Variants in STK24 observed in about 807,000 individuals in gnomAD.
STK24 encodes the protein serine/threonine-protein kinase 24.
In STK24, 21 loss-of-function variants were observed where a neutral mutation model predicts 55.6. That is an observed-to-expected ratio of 0.38 (90% confidence interval 0.27 to 0.54). The LOEUF (loss-of-function observed/expected upper bound fraction) is 0.54, where lower values mean the gene tolerates loss of function less well. Among genes scored for constraint, STK24 ranks in the 20% least tolerant of loss-of-function variants. STK24 has a pLI of 0.79. For missense variants in STK24, 383 were observed against 538.4 expected (o/e 0.71, Z 2.86); for synonymous variants, 200 against 215.2 (o/e 0.93, Z 0.62).
rs60019968 is a variant in STK24, at chr13:98,447,844, CAAAAAA to C, written c.*5323_*5328del. The C allele has an allele frequency of 6.0e-5, 11 of 184,486 alleles. No individual in the cohort carries two copies. Among genetic ancestry groups the C allele is most frequent in the Middle Eastern group, 2.3e-3 (1 of 430 alleles). The allele number at this position is 184,486 out of a possible 1,614,324, so 11.4% of individuals were successfully genotyped here. The stretch of plus-strand genomic sequence containing the variant: ...TGAGTGACAGAGCCAGACCCTGTCT[CAAAAAA>C]AAAAGAAAAAGAAAAAAGGAAGGGA... On this transcript the variant is annotated 3_prime_UTR_variant, in exon 11 of 11. Transcript: ENST00000539966.
At chr13:98,480,940 T>C (rs1167911497) in intron 3 of STK24, among the ~76,000 whole-genome samples, 1 of 152,212 alleles carries the variant, frequency 6.6e-6, no homozygotes, top group Non-Finnish European at 1.5e-5. Flanking sequence ...GTAATACCCG[T>C]GTAGACTATG....
chr13:98,569,893 T>A (rs942492358), intron 1 of STK24, among the ~76,000 whole-genome samples: 2 of 150,212 alleles, frequency 1.3e-5, no homozygotes, highest in East Asian at 3.9e-4. Context: ...TTTTTTTTTT[T>A]TGAGATGGAG....
At chr13:98,530,083 G>A (rs977452697) in intron 1 of STK24, among the ~76,000 whole-genome samples, 1 of 133,438 alleles carries the variant, frequency 7.5e-6, no homozygotes, top group East Asian at 2.1e-4. Context: ...CCCTGTATGT[G>A]GGTGCAAACA....
intron 2 of STK24, among the ~76,000 whole-genome samples, chr13:98,490,326 A>G (rs1894971732): frequency 6.6e-6 from 1 of 152,226 alleles, no homozygotes; most frequent in Non-Finnish European, 1.5e-5. Context: ...CCTTCCTGAC[A>G]AGTGAACTAT....
chr13:98,494,313 G>T (rs1225217361), intron 2 of STK24, among the ~76,000 whole-genome samples: 6 of 147,430 alleles, frequency 4.1e-5, no homozygotes, highest in Non-Finnish European at 9.0e-5. Flanking sequence ...AGGAGGCTGA[G>T]TGAGGCAGGA....
At chr13:98,479,802 C>T (rs370825380) in intron 3 of STK24, among the ~76,000 whole-genome samples, 3 of 152,256 alleles carry the variant, frequency 2.0e-5, no homozygotes, top group African/African-American at 7.2e-5. Context: ...AGCCTACCTC[C>T]AAAACACCCC....
chr13:98,522,759 A>G (rs6491429), intron 1 of STK24, among the ~76,000 whole-genome samples: 117,339 of 152,136 alleles, frequency 0.77, 46,274 homozygotes, highest in Non-Finnish European at 0.86. Context: ...CAGGTATGAT[A>G]AGTGGCATGG....
At chr13:98,576,182 CTGCAAG>C (rs994057827) in intron 1 of STK24, 1 of 985,282 alleles carries the variant, frequency 1.0e-6, no homozygotes, top group African/African-American at 1.7e-5. Flanking sequence ...GGCAAAGCCA[CTGCAAG>C]TGGAACTCGC....
chr13:98,531,198 CTAA>C (rs1431445393), intron 1 of STK24, among the ~76,000 whole-genome samples: 1 of 152,180 alleles, frequency 6.6e-6, no homozygotes, highest in Non-Finnish European at 1.5e-5. Flanking sequence ...TTCTTTCATT[CTAA>C]TAAGTTTAAA....
chr13:98,519,174 C>G, intron 2 of STK24, 69 bp downstream of exon 2: 1 of 1,292,558 alleles, frequency 7.7e-7, no homozygotes, highest in Non-Finnish European at 1.1e-6. Context: ...TATCAGAGTC[C>G]TTCCCATTCC....
chr13:98,523,828 T>C (rs1264223506), intron 1 of STK24, among the ~76,000 whole-genome samples: 2 of 152,224 alleles, frequency 1.3e-5, no homozygotes, highest in African/African-American at 4.8e-5. Flanking sequence ...AATAGGCAAC[T>C]AATACAGAAA....
chr13:98,558,067 T>C (rs1015439314), intron 1 of STK24, among the ~76,000 whole-genome samples: 3 of 152,166 alleles, frequency 2.0e-5, no homozygotes, highest in South Asian at 2.1e-4. Flanking sequence ...TTTTTTCCCA[T>C]TGAAATGTAT....
chr13:98,499,004 T>C (rs1473392834), intron 2 of STK24, among the ~76,000 whole-genome samples: 4 of 152,182 alleles, frequency 2.6e-5, no homozygotes, highest in Non-Finnish European at 5.9e-5. Flanking sequence ...ATCAGCACTT[T>C]GGGAGGCTGA....
chr13:98,522,831 C>T (rs996852831), intron 1 of STK24, among the ~76,000 whole-genome samples: 3 of 152,180 alleles, frequency 2.0e-5, no homozygotes, highest in African/African-American at 7.2e-5. Flanking sequence ...CTGGCTCGAA[C>T]AGGACCCAGG....
rs1894311731 is a variant in STK24, at chr13:98,475,043, C to T, written c.440-65G>A. On this transcript the variant is annotated intron_variant, in intron 4 of 10. Transcript: ENST00000539966. ...TTACAACTCCGTGCACTGCCACAAG[C>T]GCGTCTTCTCCCTGGCTGGGTGGCG... 8 of 1,527,972 alleles carry T rather than the reference C, an allele frequency of 5.2e-6. No homozygotes were observed. In the South Asian group the frequency reaches 6.4e-5, roughly 12 times the overall value. 94.7% of individuals were successfully genotyped at this position (1,527,972 alleles called of 1,614,324 possible). A position where few individuals can be genotyped will look rare whatever the true frequency, so the allele number is the denominator to read the frequency against.
intron 1 of STK24, among the ~76,000 whole-genome samples, chr13:98,548,055 A>C (rs1171926608): frequency 6.6e-6 from 1 of 152,124 alleles, no homozygotes; most frequent in Admixed American, 6.5e-5. Context: ...CTGACACCAC[A>C]TGAAGAGAAG....
chr13:98,552,042 T>C (rs185395403), intron 1 of STK24, among the ~76,000 whole-genome samples: 6 of 152,280 alleles, frequency 3.9e-5, no homozygotes, highest in South Asian at 4.1e-4. Context: ...AAATGTACGA[T>C]AGTGAACAAT....
At chr13:98,497,504 C>T (rs1269831798) in intron 2 of STK24, among the ~76,000 whole-genome samples, 2 of 152,210 alleles carry the variant, frequency 1.3e-5, no homozygotes, top group African/African-American at 4.8e-5. Flanking sequence ...AACCAGGACG[C>T]CATGAAAGAG....
chr13:98,572,695 G>A (rs1897774277), intron 1 of STK24, among the ~76,000 whole-genome samples: 1 of 151,772 alleles, frequency 6.6e-6, no homozygotes, highest in Non-Finnish European at 1.5e-5. Flanking sequence ...GAAGGGGAAC[G>A]AGGGGGACAG....
Sources: gnomAD v4.1 joint callset for allele counts (sites outside exome capture counted in the v4.1 genomes callset) on GRCh38, gnomAD v4.1.1 for gene constraint, MANE v1.5 for transcripts, NCBI Gene and HGNC (gene_info 2026-07-23, HGNC 2026-07-21) for gene names.